DSC2: variants seen among roughly 807,000 people sequenced by gnomAD.
The protein encoded by DSC2 is desmocollin-2.
A neutral mutation model predicts 87.6 loss-of-function variants in DSC2; 51 were observed. The ratio of observed to expected loss-of-function variants is 0.58; its 90% confidence interval spans 0.46 to 0.74. The LOEUF is 0.74. Among genes scored for constraint, DSC2 ranks in the 30% least tolerant of loss-of-function variants. The probability of loss-of-function intolerance (pLI) is 0.00; values close to 1 mark genes in which losing one functional copy is unlikely to be tolerated. For missense variants in DSC2, 1,066 were observed against 1,089.5 expected, an observed-to-expected ratio of 0.98 and a Z score of 0.30; for synonymous variants, 383 against 393.2, an observed-to-expected ratio of 0.97 and a Z score of 0.31.
At chr18:31,069,867 C>G (rs1412574381) in intron 14 of DSC2, among the ~76,000 whole-genome samples, 1 of 152,092 alleles carries the variant, frequency 6.6e-6, no homozygotes, top group East Asian at 1.9e-4. Flanking sequence ...AAAGCAGAAA[C>G]AGAAGTAATG....
rs137955341 is a variant in DSC2 at position 31,098,249 on chromosome 18, C to G, written c.69+3654G>C. On this transcript the variant is annotated intron_variant, in intron 1 of 15. Transcript: ENST00000280904. ...TCCAAATTTATATAACAATTTATTA[C>G]GTTTTCTTCTATTATCTGTAGGGAA... is the stretch of plus-strand genomic sequence containing the variant. Among the ~76,000 whole-genome samples the G allele has an allele frequency of 1.1e-4, 17 of 152,142 alleles. No homozygotes were observed. The East Asian group carries it at 1.4e-3, about 12-fold the overall frequency.
chr18:31,095,868 G>A (rs1354891164), intron 1 of DSC2, among the ~76,000 whole-genome samples: 2 of 151,980 alleles, frequency 1.3e-5, no homozygotes, highest in South Asian at 4.1e-4. Context: ...AAGTGAGACA[G>A]GCTAAGAGGA....
intron 11 of DSC2, among the ~76,000 whole-genome samples, chr18:31,076,918 T>G (rs941290704): frequency 6.6e-6 from 1 of 151,996 alleles, no homozygotes; most frequent in Non-Finnish European, 1.5e-5. Context: ...CAGAAGATAA[T>G]GGGTTAATAG....
intron 3 of DSC2, chr18:31,091,527 T>G: frequency 2.2e-6 from 1 of 461,174 alleles, no homozygotes; most frequent in Non-Finnish European, 4.3e-6. Context: ...CAACTTCCAC[T>G]CACCAGCAAC....
At position 31,093,579 on chromosome 18, in the gene DSC2, G is replaced by T; in HGVS notation, c.134C>A (p.Ala45Asp). ...CTTACCTCTACCAACAAGTTTCTCG[G>T]CATCTAGTTTGGAGGGAACATGTAA... ...VTLHVPSKLD[A>D]EKLVGRVNLK... Residue 45 changes from alanine (A) to aspartate (D), a missense_variant, in exon 2 of 16, where the codon GCC (alanine) becomes GAC (aspartate). Coordinates refer to ENST00000280904, the MANE Select transcript of DSC2 (RefSeq NM_024422.6). The T allele has an allele frequency of 6.2e-7, 1 of 1,605,376 alleles. No homozygotes were observed. Among genetic ancestry groups the T allele is most frequent in the Non-Finnish European group, 8.5e-7 (1 of 1,174,472 alleles).
At chr18:31,070,377 A>T (rs1018739698) in intron 14 of DSC2, among the ~76,000 whole-genome samples, 5 of 152,256 alleles carry the variant, frequency 3.3e-5, no homozygotes, top group Non-Finnish European at 7.3e-5. Flanking sequence ...ATGTAAAACC[A>T]TGTTGGTAAA....
At chr18:31,081,953 A>T (rs1987232701) in intron 9 of DSC2, among the ~76,000 whole-genome samples, 1 of 152,174 alleles carries the variant, frequency 6.6e-6, no homozygotes, top group Non-Finnish European at 1.5e-5. Flanking sequence ...AAAGTCTGGC[A>T]CTGTCCCAGG....
chr18:31,082,565 G>A (rs934553250), intron 8 of DSC2, 142 bp from the exon 9 acceptor site: 5 of 796,812 alleles, frequency 6.3e-6, no homozygotes, highest in Middle Eastern at 7.2e-4. Flanking sequence ...AACTTTTAAT[G>A]TCACTGGGGC....
At chr18:31,077,220 T>C (rs1987051545) in intron 11 of DSC2, among the ~76,000 whole-genome samples, 1 of 152,236 alleles carries the variant, frequency 6.6e-6, no homozygotes, top group Non-Finnish European at 1.5e-5. Flanking sequence ...GTGGATAATA[T>C]ATATTTCATG....
chr18:31,076,626 T>G (rs996864642), intron 11 of DSC2, among the ~76,000 whole-genome samples: 1 of 152,126 alleles, frequency 6.6e-6, no homozygotes, highest in Non-Finnish European at 1.5e-5. Context: ...AACATTTACC[T>G]ACCAGGGATT....
chr18:31,082,134 C>T, intron 9 of DSC2, 104 bp downstream of exon 9: 2 of 1,042,934 alleles, frequency 1.9e-6, no homozygotes, highest in Non-Finnish European at 2.8e-6. Flanking sequence ...TACTTATATA[C>T]CTATTTTATT....
intron 11 of DSC2, among the ~76,000 whole-genome samples, chr18:31,076,260 G>T (rs1391461721): frequency 6.6e-6 from 1 of 152,128 alleles, no homozygotes; most frequent in Non-Finnish European, 1.5e-5. Context: ...TGGGTCAGGA[G>T]CACTAGGCCA....
chr18:31,100,308 A>G (rs1440836019), intron 1 of DSC2, among the ~76,000 whole-genome samples: 1 of 152,236 alleles, frequency 6.6e-6, no homozygotes, highest in Non-Finnish European at 1.5e-5. Context: ...AATCTGAGAT[A>G]ACACACAGAA....
chr18:31,089,754 T>C (rs544980081), intron 4 of DSC2, among the ~76,000 whole-genome samples, 160 bp from the exon 5 acceptor site: 19 of 152,250 alleles, frequency 1.2e-4, no homozygotes, highest in African/African-American at 4.6e-4. Context: ...GAAAGTCCAA[T>C]TGAGAAATTT....
chr18:31,080,448 G>A (rs1424797183), intron 9 of DSC2, 96 bp from the exon 10 acceptor site: 35 of 1,435,744 alleles, frequency 2.4e-5, no homozygotes, highest in Non-Finnish European at 3.3e-5. Context: ...AATATGTTAA[G>A]TGTCATGTTG....
chr18:31,093,857 A>T (rs1431942699), intron 1 of DSC2, among the ~76,000 whole-genome samples: 1 of 150,044 alleles, frequency 6.7e-6, no homozygotes, highest in African/African-American at 2.4e-5. Flanking sequence ...ATTTATAATT[A>T]TATGTGATTT....
Position 31,066,978 on chromosome 18 carries a change from A to G in DSC2, c.*1037T>C, listed in dbSNP as rs567349732. ...TCCACATCCCAATTCTAATTACACC[A>G]TTCTTGTTGTTAACACAGAGCACTG... On this transcript the variant is annotated 3_prime_UTR_variant, in exon 16 of 16. Transcript: ENST00000280904. 1 of 152,244 alleles carries G rather than the reference A, an allele frequency of 6.6e-6. No homozygotes were observed. Among genetic ancestry groups the G allele is most frequent in the African/African-American group, 2.4e-5 (1 of 41,576 alleles). The allele number at this position is 152,244 out of a possible 1,614,324, so 9.4% of individuals were successfully genotyped here. A position where few individuals can be genotyped will look rare whatever the true frequency, so the allele number is the denominator to read the frequency against.
rs928722939 is a variant in DSC2, at chr18:31,060,765, C to T, written c.*7250G>A. 6.6e-6 allele frequency: 1 copy of T among 152,166 alleles called. No homozygotes were observed. Among genetic ancestry groups the T allele is most frequent in the Admixed American group, 6.6e-5 (1 of 15,266 alleles). The allele number at this position is 152,166 out of a possible 1,614,324, so 9.4% of individuals were successfully genotyped here. A position where few individuals can be genotyped will look rare whatever the true frequency, so the allele number is the denominator to read the frequency against. On this transcript the variant is annotated 3_prime_UTR_variant, in exon 16 of 16. Transcript: ENST00000280904. ...TTCTGTGTGGCTTTGTTCTGCATTCCTACCTTAAGACTATTTCTCTCGTTC... is the reference window on the plus strand; with the variant it reads ...TTCTGTGTGGCTTTGTTCTGCATTCTTACCTTAAGACTATTTCTCTCGTTC...
chr18:31,084,781 C>G (rs1485083524), intron 7 of DSC2, among the ~76,000 whole-genome samples: 1 of 151,386 alleles, frequency 6.6e-6, no homozygotes, highest in Non-Finnish European at 1.5e-5. Context: ...TCAGGGAAAA[C>G]AACTATTTGT....
Sources: allele counts gnomAD v4.1 joint callset (sites outside exome capture counted in the v4.1 genomes callset), GRCh38; gene constraint gnomAD v4.1.1; transcripts MANE v1.5; gene names NCBI Gene and HGNC (gene_info 2026-07-23, HGNC 2026-07-21).